The following IL1RAPL2 variants were observed in gnomAD, a reference collection of about 807,000 sequenced individuals.
IL1RAPL2 encodes the protein X-linked interleukin-1 receptor accessory protein-like 2.
Under a neutral mutation model 44.1 loss-of-function variants are expected in IL1RAPL2, and 3 were observed. The observed-to-expected ratio is 0.07, with a 90% CI of 0.03 to 0.18. IL1RAPL2 has a LOEUF of 0.18. IL1RAPL2 is among the 10% of genes least tolerant of loss of function. The pLI is 1.00. For synonymous variants in IL1RAPL2, 181 were observed against 178.8 expected (o/e 1.01, Z -0.10); for missense variants, 391 against 496.4 (o/e 0.79, Z 2.02).
At chrX:104,961,004 A>C (rs1039777272) in intron 2 of IL1RAPL2, among the ~76,000 whole-genome samples, 24 of 111,506 alleles carry the variant, frequency 2.2e-4, no homozygotes, top group African/African-American at 7.8e-4. Context: ...AAATGATCCC[A>C]CTTCATATTT....
chrX:105,196,190 G>A (rs962674767), intron 3 of IL1RAPL2, among the ~76,000 whole-genome samples: 2 of 110,812 alleles, frequency 1.8e-5, no homozygotes, highest in Non-Finnish European at 3.8e-5. Flanking sequence ...GCTGAGACAG[G>A]AGAATTGCTT....
chrX:105,270,955 G>C (rs760499793), intron 5 of IL1RAPL2, among the ~76,000 whole-genome samples: 1 of 111,582 alleles, frequency 9.0e-6, no homozygotes, highest in East Asian at 2.8e-4. Flanking sequence ...AATTTCTAAA[G>C]CTTATTTTCT....
intron 2 of IL1RAPL2, among the ~76,000 whole-genome samples, chrX:104,947,698 G>C (rs1363804548): frequency 4.1e-4 from 45 of 110,800 alleles, no homozygotes; most frequent in East Asian, 8.5e-4. Context: ...TCTTGTTTTT[G>C]TCAGGTTTGT....
chrX:105,352,113 A>G (rs2035160526), intron 5 of IL1RAPL2, among the ~76,000 whole-genome samples: 1 of 109,017 alleles, frequency 9.2e-6, no homozygotes, highest in South Asian at 3.9e-4. Flanking sequence ...TTTTTTTTCT[A>G]GAGACAGGGT....
chrX:105,385,899 G>A (rs2035473205), intron 5 of IL1RAPL2, among the ~76,000 whole-genome samples: 1 of 111,535 alleles, frequency 9.0e-6, no homozygotes, highest in African/African-American at 3.3e-5. Context: ...AACGTAGAAG[G>A]AGCAAAGGCT....
chrX:104,925,129 A>T (rs1360415468), intron 2 of IL1RAPL2, among the ~76,000 whole-genome samples: 1 of 108,096 alleles, frequency 9.3e-6, no homozygotes, highest in Non-Finnish European at 1.9e-5. Flanking sequence ...AAAAAAAGAC[A>T]ACCCTCCAAG....
intron 5 of IL1RAPL2, among the ~76,000 whole-genome samples, chrX:105,368,536 G>GA (rs2035313015): frequency 9.0e-6 from 1 of 111,446 alleles, no homozygotes; most frequent in Non-Finnish European, 1.9e-5. Flanking sequence ...GGGTTCTGTT[G>GA]AAAAAATCTG....
At position 104,886,290 on chromosome X, in the gene IL1RAPL2, A is replaced by G. The variant is rs779365443; in HGVS notation, c.82+227295A>G. 4.5e-5 allele frequency among the ~76,000 whole-genome samples: 5 copies of G among 111,943 alleles called. No homozygotes were observed. The East Asian group carries it at 1.4e-3, about 32-fold the overall frequency. On this transcript the variant is annotated intron_variant, in intron 2 of 10. Transcript: ENST00000372582. ...CGTGAATATGGGGAACAAGTTACCC[A>G]TTTGTTGTCCCCTACTTGAGGAGGG...
At chrX:105,125,735 T>C (rs552794297) in intron 2 of IL1RAPL2, among the ~76,000 whole-genome samples, 2 of 110,521 alleles carry the variant, frequency 1.8e-5, no homozygotes, top group South Asian at 7.6e-4. Flanking sequence ...AAAAATACAG[T>C]ATTCACAGGA....
At chrX:105,495,725 AGG>A (rs1426115496) in intron 6 of IL1RAPL2, among the ~76,000 whole-genome samples, 4 of 111,017 alleles carry the variant, frequency 3.6e-5, no homozygotes, top group Non-Finnish European at 7.5e-5. Flanking sequence ...TGTGATGGAG[AGG>A]GGGCCTACAA....
intron 6 of IL1RAPL2, among the ~76,000 whole-genome samples, chrX:105,622,068 C>G (rs2037422223): frequency 9.1e-6 from 1 of 110,163 alleles, no homozygotes; most frequent in African/African-American, 3.3e-5. Context: ...AGTATGTATA[C>G]TTTGAGAGTG....
At chrX:105,139,934 A>G (rs1206698424) in intron 2 of IL1RAPL2, among the ~76,000 whole-genome samples, 1 of 112,042 alleles carries the variant, frequency 8.9e-6, no homozygotes, top group African/African-American at 3.2e-5. Context: ...ATTCACACAG[A>G]CAGATGTCAT....
intron 2 of IL1RAPL2, among the ~76,000 whole-genome samples, chrX:105,023,334 G>A (rs1282811861): frequency 9.0e-6 from 1 of 111,197 alleles, no homozygotes; most frequent in East Asian, 2.8e-4. Flanking sequence ...GGTCTTATCA[G>A]ATGTCTTCCC....
At chrX:105,604,758 T>A (rs1289652937) in intron 6 of IL1RAPL2, among the ~76,000 whole-genome samples, 1 of 110,260 alleles carries the variant, frequency 9.1e-6, no homozygotes, top group Non-Finnish European at 1.9e-5. Flanking sequence ...AATCCCCAAA[T>A]ACAAGCACAC....
chrX:105,354,072 T>C (rs1262406362), intron 5 of IL1RAPL2, among the ~76,000 whole-genome samples: 1 of 111,128 alleles, frequency 9.0e-6, no homozygotes, highest in African/African-American at 3.3e-5. Context: ...TGTGGGTTTG[T>C]CATAGATAGC....
At chrX:105,485,141 T>C (rs749719894) in intron 6 of IL1RAPL2, among the ~76,000 whole-genome samples, 47 of 111,816 alleles carry the variant, frequency 4.2e-4, no homozygotes, top group Non-Finnish European at 8.3e-4. Flanking sequence ...CAATTCTAAA[T>C]AGAAGAACCA....
intron 5 of IL1RAPL2, among the ~76,000 whole-genome samples, chrX:105,416,839 A>G (rs2035736785): frequency 8.9e-6 from 1 of 112,047 alleles, no homozygotes; most frequent in Non-Finnish European, 1.9e-5. Context: ...GGCTGATGTA[A>G]TCCAAACCTC....
chrX:105,304,125 C>T (rs1217738110), intron 5 of IL1RAPL2, among the ~76,000 whole-genome samples: 1 of 112,608 alleles, frequency 8.9e-6, no homozygotes, highest in Non-Finnish European at 1.9e-5. Context: ...GAGGGGTGTC[C>T]CTTTGTGGGG....
At chrX:105,385,918 G>A (rs985629185) in intron 5 of IL1RAPL2, among the ~76,000 whole-genome samples, 2 of 111,605 alleles carry the variant, frequency 1.8e-5, no homozygotes, top group African/African-American at 6.5e-5. Flanking sequence ...CTTTCACCAC[G>A]TAGACATTTC....
Sources: allele counts gnomAD v4.1 joint callset (sites outside exome capture counted in the v4.1 genomes callset), GRCh38; gene constraint gnomAD v4.1.1; transcripts MANE v1.5; gene names NCBI Gene and HGNC (gene_info 2026-07-23, HGNC 2026-07-21).